TTN: variants seen among roughly 807,000 people sequenced by gnomAD.
The protein encoded by TTN is titin, also known as connectin.
In TTN, 1,525 loss-of-function variants were observed where a neutral mutation model predicts 3,223.0. That is an observed-to-expected ratio of 0.47 (90% confidence interval 0.45 to 0.49). TTN has a LOEUF of 0.49. Ranked by LOEUF, TTN falls within the 20% of genes least tolerant of loss-of-function variation. The pLI, the probability that TTN is intolerant of heterozygous loss-of-function variation, is 0.00. For missense variants in TTN, 40,786 were observed against 43,424.0 expected, an observed-to-expected ratio of 0.94 and a Z score of 5.40; for synonymous variants, 14,094 against 15,161.0, an observed-to-expected ratio of 0.93 and a Z score of 5.17.
In TTN at chr2:178,544,080, T is replaced by G; in HGVS notation, c.96064A>C (p.Lys32022Gln). The change falls in exon 346 of 363, where the codon AAG becomes CAG. Residue 32022 changes from lysine to glutamine, a missense_variant. By Grantham distance (53) the Lys-to-Gln change is moderately conservative. Transcript: ENST00000589042. ...GCCCCAGCCCTGATGGTCACAGTCT[T>G]CTTTAGATCATCTGCAAGCTCAAGA... ...PDLELADDLK[K>Q]TVTIRAGASL... 6.2e-7 allele frequency: 1 copy of G among 1,610,964 alleles called. No homozygotes were observed. Among genetic ancestry groups the G allele is most frequent in the Middle Eastern group, 1.7e-4 (1 of 6,042 alleles).
chr2:178,540,056 C>T lies in TTN; in HGVS notation c.98098+12G>A, dbSNP rs779111818. The T allele has an allele frequency of 3.1e-6, 5 of 1,595,514 alleles. No homozygotes were observed. The African/African-American group carries it at 6.7e-5, about 21-fold the overall frequency. On this transcript the variant is annotated intron_variant, in intron 351 of 362. Coordinates refer to ENST00000589042, the MANE Select transcript of TTN (RefSeq NM_001267550.2). ...GCAATTATTGCAGAAAGCAAATGAT[C>T]ATATGTCTCACCAAGCATTTCAGTG...
chr2:178,711,293 C>G lies in TTN; in HGVS notation c.27943G>C (p.Gly9315Arg). 6.2e-7 allele frequency: 1 copy of G among 1,613,286 alleles called. No homozygotes were observed. The highest frequency in any genetic ancestry group is 1.1e-5 in the South Asian group (1 of 90,948). The stretch of plus-strand genomic sequence containing the variant: ...GCACAATCAAAAACAACTGGCAGTC[C>G]AACTGTTTCTTGAACATCTCTCAAT... ...RQLRDVQETV[G>R]LPVVFDCAIS... Residue 9315 changes from glycine to arginine, a missense_variant, in exon 97 of 363, where the codon GGA (glycine) becomes CGA (arginine). Transcript: ENST00000589042.
At position 178,549,276 on chromosome 2, in the gene TTN, C is replaced by A. The variant is rs979303656; in HGVS notation, c.92350G>T (p.Gly30784Cys). 2 of 1,613,802 alleles carry A rather than the reference C, an allele frequency of 1.2e-6. No individual in the cohort carries two copies. The highest frequency in any genetic ancestry group is 2.7e-5 in the African/African-American group (2 of 74,910). The change falls in exon 339 of 363, where the codon GGT becomes TGT. Residue 30784 changes from glycine (G) to cysteine (C), a missense_variant. Physicochemically the swap from Gly to Cys is radical, Grantham distance 159. Transcript: ENST00000589042. ...PISETRFKVT[G>C]LTEGNEYEFH... ...TCATACTCATTGCCTTCTGTCAGAC[C>A]AGTGACTTTGAATCTTGTTTCAGAG...
chr2:178,803,239 T>C (rs530590172), intron 2 of TTN, among the ~76,000 whole-genome samples: 1 of 152,276 alleles, frequency 6.6e-6, no homozygotes, highest in Non-Finnish European at 1.5e-5. Flanking sequence ...ATTGGACTGA[T>C]TTATGGGTAT....
rs1456715081 is a variant in TTN, at chr2:178,552,337, G to A, written c.90563C>T (p.Thr30188Ile). 4 of 1,601,890 alleles carry A rather than the reference G, an allele frequency of 2.5e-6. No homozygotes were observed. The highest frequency in any genetic ancestry group is 2.2e-5 in the East Asian group (1 of 44,750). ...CTTCTTGGCATTCTTAATACTCAAA[G>A]TAATTTTGTTTTCAGTTTTACTGAA... The part of the protein sequence containing the change: ...VRFSKTENKI[T>I]LSIKNAKKEH... Residue 30188 changes from threonine to isoleucine, a missense_variant, in exon 335 of 363, where the codon ACT becomes ATT. By Grantham distance (89) the Thr-to-Ile change is moderately conservative. Transcript: ENST00000589042.
rs2077715930 is a variant in TTN at position 178,717,780 on chromosome 2, T to G, written c.25094A>C (p.Lys8365Thr). ...ARKLPPFFAR[K>T]LKDVHETLGF... ...TAGAGTCTCATGAACGTCTTTCAGT[T>G]TTCTTGCAAAGAAAGGTGGAAGTTT... The change falls in exon 87 of 363, where the codon AAA becomes ACA. Residue 8365 changes from lysine to threonine, a missense_variant. Physicochemically the swap from Lys to Thr is moderately conservative, Grantham distance 78 (BLOSUM62 -1). Coordinates refer to ENST00000589042, the MANE Select transcript of TTN (RefSeq NM_001267550.2). 2.5e-6 allele frequency: 4 copies of G among 1,607,910 alleles called. No homozygotes were observed. Among genetic ancestry groups the G allele is most frequent in the East Asian group, 2.2e-5 (1 of 44,788 alleles).
At chr2:178,788,143 G>A (rs1259462168) in intron 13 of TTN, among the ~76,000 whole-genome samples, 1 of 151,994 alleles carries the variant, frequency 6.6e-6, no homozygotes, top group Non-Finnish European at 1.5e-5. Flanking sequence ...ATGATGAAAT[G>A]GGATGAAACA....
chr2:178,643,607 T>G (rs538567200), intron 218 of TTN, among the ~76,000 whole-genome samples: 1 of 152,088 alleles, frequency 6.6e-6, no homozygotes, highest in East Asian at 1.9e-4. Context: ...TTTTTTATAT[T>G]ATTATTTGAT....
At chr2:178,747,901 T>C (rs1024925932) in intron 47 of TTN, 3 of 1,613,076 alleles carry the variant, frequency 1.9e-6, no homozygotes, top group Non-Finnish European at 2.5e-6. Flanking sequence ...TCATCAAGAG[T>C]GGGAAGCACT....
chr2:178,577,282 T>C lies in TTN; in HGVS notation c.69053A>G (p.Tyr23018Cys), dbSNP rs1237834164. The change falls in exon 324 of 363, where the codon TAT becomes TGT. Residue 23018 changes from tyrosine (Y) to cysteine (C), a missense_variant. Physicochemically the swap from Tyr to Cys is radical, Grantham distance 194. Transcript: ENST00000589042. ...KYATRKDAGE[Y>C]TITATNPFGT... ...AAAAGGATTGGTAGCAGTGATGGTATATTCACCCGCATCTTTTCTAGTGGC... is the reference window on the plus strand; with the variant it reads ...AAAAGGATTGGTAGCAGTGATGGTACATTCACCCGCATCTTTTCTAGTGGC... 1.2e-6 allele frequency: 2 copies of C among 1,612,928 alleles called. No homozygotes were observed. The highest frequency in any genetic ancestry group is 1.7e-5 in the Admixed American group (1 of 59,898).
intron 88 of TTN, 150 bp downstream of exon 88, chr2:178,716,945 C>T: frequency 1.3e-6 from 1 of 741,854 alleles, no homozygotes; most frequent in African/African-American, 1.8e-5. Flanking sequence ...AAATACTTGT[C>T]TCCATTTGGA....
In TTN at chr2:178,587,747, C is replaced by T; in HGVS notation, c.63562G>A (p.Ala21188Thr). ...ASMRKLVIVR[A>T]GCPIRLFAIV... ...GCAAAGAGACGAATAGGGCATCCTG[C>T]TCTCACTATGACCAGTTTCCTCATG... is the stretch of plus-strand genomic sequence containing the variant. The change falls in exon 306 of 363, where the codon GCA becomes ACA. Residue 21188 changes from alanine (A) to threonine (T), a missense_variant. Ala to Thr is a moderately conservative substitution (Grantham distance 58). Transcript: ENST00000589042. 6.2e-7 allele frequency: 1 copy of T among 1,612,148 alleles called. No homozygotes were observed.
chr2:178,771,350 T>C lies in TTN; in HGVS notation c.7977A>G (p.Leu2659=). 1.2e-6 allele frequency: 2 copies of C among 1,614,114 alleles called. No homozygotes were observed. Among genetic ancestry groups the C allele is most frequent in the African/African-American group, 2.7e-5 (2 of 75,052 alleles). Residue 2659 remains leucine, a synonymous_variant, in exon 34 of 363, where the codon CTA becomes CTG. Transcript: ENST00000589042. ...CACTTCTGATGTTGTTAGTCAGTGG[T>C]AGGTGTTTGCCATCCCTCAACCATT... ...KGEWLRDGKH[L]PLTNNIRSES... is the part of the protein sequence containing the mutation.
Position 178,541,521 on chromosome 2 carries a change from G to T in TTN, c.97556C>A (p.Thr32519Asn), listed in dbSNP as rs762862711. ...ACCGTCATCCTCTGGTGGGTACCAA[G>T]TAAGTGTCATGCCATCACGGGAAAC... ...FDVSRDGMTL[T>N]WYPPEDDGGS... Residue 32519 changes from threonine (T) to asparagine (N), a missense_variant, in exon 350 of 363, where the codon ACT (threonine) becomes AAT (asparagine). Physicochemically the swap from Thr to Asn is moderately conservative, Grantham distance 65. Transcript: ENST00000589042. 1.9e-6 allele frequency: 3 copies of T among 1,613,100 alleles called. No individual in the cohort carries two copies. Among genetic ancestry groups the T allele is most frequent in the Non-Finnish European group, 2.5e-6 (3 of 1,179,430 alleles).
In TTN at chr2:178,724,548, A is replaced by C; in HGVS notation, c.20837-10T>G. On this transcript the variant is annotated splice_polypyrimidine_tract_variant and intron_variant, in intron 71 of 362. Transcript: ENST00000589042. The stretch of plus-strand genomic sequence containing the variant: ...ACAATGACTGCGGGCTCTGAAATAA[A>C]ACGTGATATCCATCTGTCAAAGTCT... 1 of 1,570,266 alleles carries C rather than the reference A, an allele frequency of 6.4e-7. No individual in the cohort carries two copies. Among genetic ancestry groups the C allele is most frequent in the Non-Finnish European group, 8.6e-7 (1 of 1,156,366 alleles).
chr2:178,582,966 G>C lies in TTN; in HGVS notation c.65837C>G (p.Ser21946Ter), dbSNP rs775504996. ...ITAENSSGSK[S>*]ATIKLKVLDK... ...TAACACTTTAAGCTTAATGGTGGCT[G>C]ATTTAGAACCACTTGAATTTTCAGC... The change falls in exon 313 of 363, where the codon TCA (serine) becomes TGA (stop). Residue 21946 changes from serine to a stop codon, truncating the protein, a stop_gained. Transcript: ENST00000589042. LOFTEE classifies it high-confidence loss of function. The C allele has an allele frequency of 6.5e-7, 1 of 1,546,772 alleles. No individual in the cohort carries two copies. Among genetic ancestry groups the C allele is most frequent in the Non-Finnish European group, 8.7e-7 (1 of 1,144,548 alleles).
At position 178,532,665 on chromosome 2, in the gene TTN, AG is replaced by A; in HGVS notation, c.103949del (p.Pro34650LeufsTer22). 1 of 1,613,982 alleles carries A rather than the reference AG, an allele frequency of 6.2e-7. No homozygotes were observed. The highest frequency in any genetic ancestry group is 2.2e-5 in the East Asian group (1 of 44,882). ...AGATGTCCCCAAGAGAACGTCTTCT[AG>A]GTCGGTAGTAAAAGTCATAATCAGG... ...PSPDYDFYYR[P>X]RRRSLGDISD... On this transcript the variant is annotated frameshift_variant, in exon 358 of 363. Coordinates refer to ENST00000589042, the MANE Select transcript of TTN (RefSeq NM_001267550.2). LOFTEE classifies it high-confidence loss of function.
At chr2:178,681,772 A>G in intron 135 of TTN, 34 bp from the exon 136 acceptor site, 1 of 1,509,140 alleles carries the variant, frequency 6.6e-7, no homozygotes, top group South Asian at 1.2e-5. Context: ...TTCATGTTAG[A>G]CTTAGAATAT....
In TTN at chr2:178,560,877, C is replaced by A. The variant is rs1703397478; in HGVS notation, c.85255G>T (p.Asp28419Tyr). ...TDNHTLLTVKDCIRRDTGQYV... is the reference protein window; with the variant it reads ...TDNHTLLTVKYCIRRDTGQYV... Reference sequence around the variant, plus strand: ...TGCCCAGTGTCTCGTCTTATACAGTCTTTAACTGTTAACAAAGTATGATTG... The same window carrying A: ...TGCCCAGTGTCTCGTCTTATACAGTATTTAACTGTTAACAAAGTATGATTG... Residue 28419 changes from aspartate (D) to tyrosine (Y), a missense_variant, in exon 326 of 363, where the codon GAC (aspartate) becomes TAC (tyrosine). Asp to Tyr is a radical substitution (Grantham distance 160, BLOSUM62 -3). Coordinates refer to ENST00000589042, the MANE Select transcript of TTN (RefSeq NM_001267550.2). 1 of 1,613,730 alleles carries A rather than the reference C, an allele frequency of 6.2e-7. No homozygotes were observed. Among genetic ancestry groups the A allele is most frequent in the Non-Finnish European group, 8.5e-7 (1 of 1,179,808 alleles).
Sources: gnomAD v4.1 joint callset for allele counts (sites outside exome capture counted in the v4.1 genomes callset) on GRCh38, gnomAD v4.1.1 for gene constraint, MANE v1.5 for transcripts, NCBI Gene and HGNC (gene_info 2026-07-23, HGNC 2026-07-21) for gene names.